PRDM5: variants seen among roughly 807,000 people sequenced by gnomAD.
PRDM5 encodes PR domain zinc finger protein 5.
A neutral mutation model predicts 81.2 loss-of-function variants in PRDM5; 56 were observed. The ratio of observed to expected loss-of-function variants is 0.69; its 90% CI spans 0.56 to 0.86. The LOEUF (loss-of-function observed/expected upper bound fraction) is 0.86, where lower values mean the gene tolerates loss of function less well. Ranked by LOEUF, PRDM5 falls within the 40% of genes least tolerant of loss-of-function variation. PRDM5 has a pLI of 0.00. For synonymous variants in PRDM5, 267 were observed against 256.4 expected, an observed-to-expected ratio of 1.04 and a Z score of -0.39; for missense variants, 697 against 770.1, an observed-to-expected ratio of 0.91 and a Z score of 1.12.
chr4:120,777,837 C>T (rs1188281119), intron 12 of PRDM5, among the ~76,000 whole-genome samples: 1 of 152,108 alleles, frequency 6.6e-6, no homozygotes, highest in East Asian at 1.9e-4. Context: ...TTTCTGCCCT[C>T]AACATGCCTT....
At chr4:120,876,271 C>T (rs1250484281) in intron 2 of PRDM5, among the ~76,000 whole-genome samples, 1 of 152,188 alleles carries the variant, frequency 6.6e-6, no homozygotes, top group Non-Finnish European at 1.5e-5. Context: ...AAAAGAATCA[C>T]AACCTGCAGC....
intron 14 of PRDM5, among the ~76,000 whole-genome samples, chr4:120,715,484 A>G (rs1737615181): frequency 6.6e-6 from 1 of 152,204 alleles, no homozygotes; most frequent in Non-Finnish European, 1.5e-5. Context: ...CTCTAGTCTG[A>G]ATAAACATAA....
chr4:120,857,350 T>A (rs1487010783), intron 2 of PRDM5, among the ~76,000 whole-genome samples: 1 of 152,114 alleles, frequency 6.6e-6, no homozygotes, highest in Admixed American at 6.5e-5. Flanking sequence ...AGAGCAAGAC[T>A]CTATCTCTCA....
At chr4:120,889,197 C>T (rs934979360) in intron 2 of PRDM5, among the ~76,000 whole-genome samples, 1 of 152,098 alleles carries the variant, frequency 6.6e-6, no homozygotes, top group Non-Finnish European at 1.5e-5. Flanking sequence ...TTATTGCTTT[C>T]ATCTGATATG....
At chr4:120,804,325 G>A (rs540118680) in intron 8 of PRDM5, among the ~76,000 whole-genome samples, 2 of 151,790 alleles carry the variant, frequency 1.3e-5, no homozygotes, top group South Asian at 4.1e-4. Flanking sequence ...TCCAGGAATT[G>A]AACTCAGCTC....
At chr4:120,756,617 C>A (rs1364317796) in intron 13 of PRDM5, among the ~76,000 whole-genome samples, 1 of 152,150 alleles carries the variant, frequency 6.6e-6, no homozygotes, top group East Asian at 1.9e-4. Context: ...CCTTGAACCA[C>A]AAAGGAAAAG....
At chr4:120,836,215 T>C (rs533133920) in intron 3 of PRDM5, among the ~76,000 whole-genome samples, 10 of 152,240 alleles carry the variant, frequency 6.6e-5, no homozygotes, top group African/African-American at 2.2e-4. Flanking sequence ...TTTCTCTATT[T>C]TAGGAAAAAA....
intron 7 of PRDM5, among the ~76,000 whole-genome samples, chr4:120,811,862 C>T (rs1019814612): frequency 6.6e-6 from 1 of 151,978 alleles, no homozygotes; most frequent in Non-Finnish European, 1.5e-5. Context: ...CCTCAAGCAT[C>T]TATCATTTGT....
At chr4:120,733,524 C>T (rs1740583292) in intron 14 of PRDM5, among the ~76,000 whole-genome samples, 1 of 152,192 alleles carries the variant, frequency 6.6e-6, no homozygotes, top group African/African-American at 2.4e-5. Context: ...CCTCAGTGGA[C>T]CCTACCTGGT....
chr4:120,741,591 A>C (rs1031463956), intron 14 of PRDM5, among the ~76,000 whole-genome samples: 3 of 152,072 alleles, frequency 2.0e-5, no homozygotes, highest in African/African-American at 7.2e-5. Flanking sequence ...GAGCCGAAGC[A>C]GGGCCAGGCA....
At chr4:120,833,697 A>G (rs2149375488) in intron 3 of PRDM5, among the ~76,000 whole-genome samples, 1 of 152,294 alleles carries the variant, frequency 6.6e-6, no homozygotes, top group African/African-American at 2.4e-5. Context: ...AAATTTGTGG[A>G]TAGAAGACAG....
intron 2 of PRDM5, among the ~76,000 whole-genome samples, chr4:120,863,191 T>TACACACACACACAC (rs370387683): frequency 0.03 from 2,072 of 70,022 alleles, 82 homozygotes; most frequent in Middle Eastern, 0.12. Context: ...TATATATATA[T>TACACACACACACAC]ACACACACAC....
At chr4:120,775,329 T>G (rs1747993990) in intron 13 of PRDM5, among the ~76,000 whole-genome samples, 1 of 152,160 alleles carries the variant, frequency 6.6e-6, no homozygotes, top group African/African-American at 2.4e-5. Flanking sequence ...TATTGTAATT[T>G]TATGGAGGAT....
chr4:120,739,157 C>T (rs1741537720), intron 14 of PRDM5, among the ~76,000 whole-genome samples: 1 of 152,192 alleles, frequency 6.6e-6, no homozygotes, highest in African/African-American at 2.4e-5. Flanking sequence ...GGTGATTGGT[C>T]CCAAGAGATA....
chr4:120,771,047 GTA>G lies in PRDM5; in HGVS notation c.1537+6139_1537+6140del, dbSNP rs1316623553. ...TTCTCATTTCTTTTCATGTTATTTAGTATATATCCATATCACTTTTGTTACCT... is the reference window on the plus strand; with the variant it reads ...TTCTCATTTCTTTTCATGTTATTTAGTATATCCATATCACTTTTGTTACCT... On this transcript the variant is annotated intron_variant, in intron 13 of 15. Coordinates refer to ENST00000264808, the MANE Select transcript of PRDM5 (RefSeq NM_018699.4). 1.4e-4 allele frequency among the ~76,000 whole-genome samples: 21 copies of G among 151,762 alleles called. 3 individuals are homozygous for G. The highest frequency in any genetic ancestry group is 5.1e-4 in the African/African-American group (21 of 41,390).
In PRDM5 at chr4:120,821,231, T is replaced by C. The variant is rs990141769; in HGVS notation, c.415A>G (p.Thr139Ala). 6.2e-7 allele frequency: 1 copy of C among 1,614,136 alleles called. No homozygotes were observed. The highest frequency in any genetic ancestry group is 1.6e-4 in the Middle Eastern group (1 of 6,062). ...EAEEEEQQIMTVIKEGEVENS... is the reference protein window; with the variant it reads ...EAEEEEQQIMAVIKEGEVENS... ...TCAACTTCCCCTTCTTTGATGACTG[T>C]CATAATTTGCTGTTCTTCCTCCTCA... Residue 139 changes from threonine to alanine, a missense_variant, in exon 4 of 16, where the codon ACA becomes GCA. Transcript: ENST00000264808.
intron 2 of PRDM5, among the ~76,000 whole-genome samples, chr4:120,877,736 C>T (rs976368073): frequency 6.6e-6 from 1 of 152,142 alleles, no homozygotes; most frequent in African/African-American, 2.4e-5. Context: ...ACCTAGGAGG[C>T]AGTGGTTGCA....
intron 2 of PRDM5, 114 bp from the exon 3 acceptor site, chr4:120,853,654 G>T: frequency 4.5e-6 from 6 of 1,330,108 alleles, no homozygotes; most frequent in Non-Finnish European, 6.4e-6. Context: ...TTATTGATGG[G>T]TGATAAATAG....
intron 2 of PRDM5, among the ~76,000 whole-genome samples, chr4:120,883,640 G>A (rs1763086881): frequency 6.6e-6 from 1 of 151,548 alleles, no homozygotes; most frequent in South Asian, 2.1e-4. Flanking sequence ...TAAATAATGA[G>A]TTGATGGGTG....
Sources: allele counts gnomAD v4.1 joint callset (sites outside exome capture counted in the v4.1 genomes callset), GRCh38; gene constraint gnomAD v4.1.1; transcripts MANE v1.5; gene names NCBI Gene and HGNC (gene_info 2026-07-23, HGNC 2026-07-21).